Variants in RTN4IP1 observed in about 807,000 individuals in gnomAD.
The protein encoded by RTN4IP1 is NAD(P)H oxidoreductase RTN4IP1, mitochondrial.
A neutral mutation model predicts 46.6 loss-of-function variants in RTN4IP1; 32 were observed. That is an observed-to-expected ratio of 0.69 (90% confidence interval 0.52 to 0.92). The LOEUF is 0.92. RTN4IP1 is among the 40% of genes least tolerant of loss of function. RTN4IP1 has a pLI of 0.00. For missense variants in RTN4IP1, 424 were observed against 485.8 expected, an observed-to-expected ratio of 0.87 and a Z score of 1.20; for synonymous variants, 167 against 161.8, an observed-to-expected ratio of 1.03 and a Z score of -0.24.
chr6:106,620,867 T>G (rs1776468554), intron 3 of RTN4IP1, among the ~76,000 whole-genome samples: 2 of 152,148 alleles, frequency 1.3e-5, no homozygotes, highest in African/African-American at 2.4e-5. Context: ...CAAAAACACG[T>G]CCTAATTAGT....
chr6:106,628,989 T>G lies in RTN4IP1; in HGVS notation c.33A>C (p.Arg11Ser), dbSNP rs1252539574. MEFLKTCVLRRNACTAVCFWR... is the reference protein window; with the variant it reads MEFLKTCVLRSNACTAVCFWR... ...AGAAGCAAACCGCAGTGCATGCATT[T>G]CTTCTAAGTACACAAGTCTTCAGAA... Residue 11 changes from arginine (R) to serine (S), a missense_variant, in exon 1 of 9, where the codon AGA becomes AGC. Physicochemically the swap from Arg to Ser is moderately radical, Grantham distance 110. Coordinates refer to ENST00000369063, the MANE Select transcript of RTN4IP1 (RefSeq NM_032730.5). 1 of 1,613,740 alleles carries G rather than the reference T, an allele frequency of 6.2e-7. No homozygotes were observed. Among genetic ancestry groups the G allele is most frequent in the Non-Finnish European group, 8.5e-7 (1 of 1,179,900 alleles).
chr6:106,629,507 C>A, upstream of RTN4IP1: 1 of 871,330 alleles, frequency 1.1e-6, no homozygotes, highest in Non-Finnish European at 1.7e-6. Flanking sequence ...GCGGCGCCAA[C>A]CAATCGCCTA....
intron 2 of RTN4IP1, among the ~76,000 whole-genome samples, chr6:106,622,380 G>T (rs1027463417): frequency 1.3e-5 from 2 of 152,162 alleles, no homozygotes; most frequent in African/African-American, 4.8e-5. Context: ...TGGAAGGCCG[G>T]GGGTGTTGCA....
chr6:106,621,550 G>T, intron 2 of RTN4IP1, 57 bp from the exon 3 acceptor site: 1 of 1,491,324 alleles, frequency 6.7e-7, no homozygotes. Flanking sequence ...TTTGACCGAA[G>T]CTAAGCAAGA....
chr6:106,580,091 G>A (rs1408628978), intron 8 of RTN4IP1, among the ~76,000 whole-genome samples: 1 of 151,592 alleles, frequency 6.6e-6, no homozygotes, highest in African/African-American at 2.4e-5. Context: ...GCGGGCGCCT[G>A]TAGTCCCAGC....
At chr6:106,584,672 C>T (rs1296363071) in intron 7 of RTN4IP1, among the ~76,000 whole-genome samples, 1 of 152,224 alleles carries the variant, frequency 6.6e-6, no homozygotes, top group African/African-American at 2.4e-5. Context: ...AGAATGAATA[C>T]AAAATGCCTC....
chr6:106,607,403 TGTACA>T (rs1281436539), intron 4 of RTN4IP1, among the ~76,000 whole-genome samples: 1 of 152,008 alleles, frequency 6.6e-6, no homozygotes, highest in East Asian at 1.9e-4. Flanking sequence ...TAAAAAACTC[TGTACA>T]GCAAATGAAA....
At chr6:106,626,662 G>A (rs1032501678) in intron 1 of RTN4IP1, among the ~76,000 whole-genome samples, 2 of 152,148 alleles carry the variant, frequency 1.3e-5, no homozygotes, top group Non-Finnish European at 2.9e-5. Flanking sequence ...ACAAGCCCCT[G>A]AACCCAGAAT....
At chr6:106,626,697 G>C (rs777254459) in intron 1 of RTN4IP1, among the ~76,000 whole-genome samples, 1 of 152,150 alleles carries the variant, frequency 6.6e-6, no homozygotes, top group Non-Finnish European at 1.5e-5. Context: ...GTTAGTAATT[G>C]AGAACCTGTT....
intron 1 of RTN4IP1, among the ~76,000 whole-genome samples, chr6:106,627,561 T>C: frequency 6.6e-6 from 1 of 152,074 alleles, no homozygotes; most frequent in Non-Finnish European, 1.5e-5. Flanking sequence ...AAAAACATGC[T>C]GATCATTGAG....
At chr6:106,575,491 C>T (rs1055992885) in intron 8 of RTN4IP1, among the ~76,000 whole-genome samples, 4 of 152,002 alleles carry the variant, frequency 2.6e-5, no homozygotes, top group African/African-American at 2.4e-5. Context: ...GCTTACAAGA[C>T]GCTAGGCAAG....
chr6:106,624,548 G>A (rs1025390837), intron 1 of RTN4IP1, among the ~76,000 whole-genome samples: 16 of 150,276 alleles, frequency 1.1e-4, no homozygotes, highest in Non-Finnish European at 1.9e-4. Context: ...TGTTGGCCAG[G>A]CTGGTCTCAA....
At chr6:106,597,145 T>C (rs1220387693) in intron 5 of RTN4IP1, among the ~76,000 whole-genome samples, 3 of 152,230 alleles carry the variant, frequency 2.0e-5, no homozygotes, top group Non-Finnish European at 4.4e-5. Flanking sequence ...TCTGGGTCCA[T>C]GTCCTTAGAA....
In RTN4IP1 at chr6:106,587,730, T is replaced by C. The variant is rs750194940; in HGVS notation, c.939A>G (p.Ile313Met). ...PFLLNMDRLGIADGMLQTGVT... is the reference protein window; with the variant it reads ...PFLLNMDRLGMADGMLQTGVT... The stretch of plus-strand genomic sequence containing the variant: ...CTCCTGTCTGCAACATGCCATCTGC[T>C]ATGCCCAATCGGTCCATGTTCAGGA... The change falls in exon 7 of 9, where the codon ATA becomes ATG. Residue 313 changes from isoleucine (I) to methionine (M), a missense_variant. By Grantham distance (10) the Ile-to-Met change is conservative. Coordinates refer to ENST00000369063, the MANE Select transcript of RTN4IP1 (RefSeq NM_032730.5). The C allele has an allele frequency of 6.2e-7, 1 of 1,613,822 alleles. No individual in the cohort carries two copies. Among genetic ancestry groups the C allele is most frequent in the African/African-American group, 1.3e-5 (1 of 75,054 alleles).
rs199549230 is a variant in RTN4IP1, at chr6:106,622,868, C to A, written c.376G>T (p.Val126Leu). 6.2e-7 allele frequency: 1 copy of A among 1,614,122 alleles called. No homozygotes were observed. The highest frequency in any genetic ancestry group is 1.1e-5 in the South Asian group (1 of 91,074). The change falls in exon 2 of 9, where the codon GTG becomes TTG. Residue 126 changes from valine to leucine, a missense_variant. Transcript: ENST00000369063. ...PLTLGRDVSG[V>L]VMECGLDVKY... ...ACATCAAGCCCACATTCCATCACCA[C>A]GCCAGAGACATCCCGACCCAGAGTC...
At chr6:106,595,557 G>T (rs1775766100) in intron 5 of RTN4IP1, among the ~76,000 whole-genome samples, 1 of 150,364 alleles carries the variant, frequency 6.7e-6, no homozygotes, top group Admixed American at 6.6e-5. Context: ...GAGTGCAGTG[G>T]CGTGATCTCT....
At chr6:106,620,255 A>G (rs141741915) in intron 3 of RTN4IP1, among the ~76,000 whole-genome samples, 1 of 151,744 alleles carries the variant, frequency 6.6e-6, no homozygotes, top group Non-Finnish European at 1.5e-5. Flanking sequence ...CAGGCGCCCA[A>G]CACCATGCCC....
intron 8 of RTN4IP1, among the ~76,000 whole-genome samples, chr6:106,575,637 C>A (rs1029513280): frequency 2.6e-5 from 4 of 152,236 alleles, no homozygotes; most frequent in African/African-American, 9.6e-5. Flanking sequence ...TGGCAGCAGG[C>A]AGAGGTTTTC....
chr6:106,587,802 G>A lies in RTN4IP1; in HGVS notation c.867C>T (p.Leu289=). ...GSTETWAPDF[L]KKWSGATYVT... is the part of the protein sequence containing the mutation. Reference sequence around the variant, plus strand: ...CATAGGTGGCTCCTGACCATTTCTTGAGAAAATCTGGAGCCCATGTTTCAG... The same window carrying A: ...CATAGGTGGCTCCTGACCATTTCTTAAGAAAATCTGGAGCCCATGTTTCAG... Residue 289 remains leucine, a synonymous_variant, in exon 7 of 9, where the codon CTC becomes CTT. Transcript: ENST00000369063. The A allele has an allele frequency of 6.2e-7, 1 of 1,613,912 alleles. No homozygotes were observed. The highest frequency in any genetic ancestry group is 8.5e-7 in the Non-Finnish European group (1 of 1,179,958).
Sources: allele counts gnomAD v4.1 joint callset (sites outside exome capture counted in the v4.1 genomes callset), GRCh38; gene constraint gnomAD v4.1.1; transcripts MANE v1.5; gene names NCBI Gene and HGNC (gene_info 2026-07-23, HGNC 2026-07-21).